GRK5: variants seen among roughly 807,000 people sequenced by gnomAD.
GRK5 encodes the protein G protein-coupled receptor kinase 5, also known as g protein-coupled receptor kinase GRK5.
A neutral mutation model predicts 78.4 loss-of-function variants in GRK5; 40 were observed. That is an observed-to-expected ratio of 0.51 (90% CI 0.40 to 0.66). The LOEUF is 0.66. Ranked by LOEUF, GRK5 falls within the 30% of genes least tolerant of loss-of-function variation. The pLI is 0.00. For synonymous variants in GRK5, 289 were observed against 296.8 expected, an observed-to-expected ratio of 0.97 and a Z score of 0.27; for missense variants, 598 against 759.9, an observed-to-expected ratio of 0.79 and a Z score of 2.50.
chr10:119,371,215 C>T (rs923027670), intron 2 of GRK5, among the ~76,000 whole-genome samples: 15 of 152,152 alleles, frequency 9.9e-5, no homozygotes, highest in African/African-American at 2.9e-4. Flanking sequence ...AGCTTCTCCC[C>T]GCTCCCCGTC....
At chr10:119,272,904 G>T (rs1323262531) in intron 1 of GRK5, among the ~76,000 whole-genome samples, 1 of 152,194 alleles carries the variant, frequency 6.6e-6, no homozygotes. Flanking sequence ...AGGGGACTCC[G>T]CAGGCTGAGG....
chr10:119,226,713 TTTTTTC>T (rs1187932350), intron 1 of GRK5, among the ~76,000 whole-genome samples: 1 of 151,762 alleles, frequency 6.6e-6, no homozygotes, highest in East Asian at 1.9e-4. Flanking sequence ...CCCGGCTTTT[TTTTTTC>T]TTTTTCTTTT....
intron 1 of GRK5, among the ~76,000 whole-genome samples, chr10:119,322,595 A>G (rs890957744): frequency 3.8e-4 from 58 of 152,330 alleles, no homozygotes; most frequent in African/African-American, 1.2e-3. Context: ...GAATAAATCT[A>G]TAAGTGTGCA....
At chr10:119,251,655 A>G (rs1307803437) in intron 1 of GRK5, among the ~76,000 whole-genome samples, 1 of 152,068 alleles carries the variant, frequency 6.6e-6, no homozygotes, top group Non-Finnish European at 1.5e-5. Context: ...AAATAAAACA[A>G]AAAACCTTCT....
At chr10:119,440,765 G>C (rs184858113) in intron 10 of GRK5, among the ~76,000 whole-genome samples, 1 of 152,206 alleles carries the variant, frequency 6.6e-6, no homozygotes, top group Admixed American at 6.5e-5. Flanking sequence ...TGACCAGGCT[G>C]GTCTCAGACT....
chr10:119,430,286 C>A lies in GRK5; in HGVS notation c.534-89C>A. ...CTGTGGGGCTCCTGGAATTATACCC[C>A]ACCCCAGCTGCTCTCAATGTGCCAC... On this transcript the variant is annotated intron_variant, in intron 6 of 15. Transcript: ENST00000392870. The surrounding 1 kb of genome is among the most constrained non-coding windows in gnomAD (Gnocchi z 4.5). 8.8e-7 allele frequency: 1 copy of A among 1,135,760 alleles called. No homozygotes were observed. The highest frequency in any genetic ancestry group is 1.3e-6 in the Non-Finnish European group (1 of 751,114). The allele number at this position is 1,135,760 out of a possible 1,614,324, so 70.4% of individuals were successfully genotyped here.
intron 1 of GRK5, among the ~76,000 whole-genome samples, chr10:119,305,202 T>G (rs1850253584): frequency 6.6e-6 from 1 of 151,970 alleles, no homozygotes; most frequent in South Asian, 2.1e-4. Context: ...AGTCCCGTGG[T>G]CCTCCAAGGC....
chr10:119,427,428 G>T (rs111210181), intron 6 of GRK5, among the ~76,000 whole-genome samples: 129 of 148,894 alleles, frequency 8.7e-4, no homozygotes, highest in African/African-American at 2.9e-3. Flanking sequence ...ACCATCAGCA[G>T]CATCACTGCC....
intron 1 of GRK5, among the ~76,000 whole-genome samples, chr10:119,212,061 A>G (rs1340246786): frequency 2.0e-5 from 3 of 152,162 alleles, no homozygotes; most frequent in Admixed American, 6.5e-5. Flanking sequence ...TGTTAATCTT[A>G]CCAAGCGACA....
rs534711645 is a variant in GRK5, at chr10:119,338,932, G to A, written c.148+12321G>A. Among the ~76,000 whole-genome samples, 26 of 152,314 alleles carry A rather than the reference G, an allele frequency of 1.7e-4. 1 individual carries two copies. In the East Asian group the frequency reaches 4.6e-3, roughly 27 times the overall value. On this transcript the variant is annotated intron_variant, in intron 2 of 15. Coordinates refer to ENST00000392870, the MANE Select transcript of GRK5 (RefSeq NM_005308.3). ...TTGCCATTACAATTAATGTTCAAATGAACATCTTTGTACTTCATTGTGACA... is the reference window on the plus strand; with the variant it reads ...TTGCCATTACAATTAATGTTCAAATAAACATCTTTGTACTTCATTGTGACA...
Position 119,271,231 on chromosome 10 carries a change from G to A in GRK5, c.53-55285G>A, listed in dbSNP as rs1002662075. On this transcript the variant is annotated intron_variant, in intron 1 of 15. Transcript: ENST00000392870. This position sits in a 1 kb window ranked among gnomAD's most constrained non-coding sequence, Gnocchi z 4.1. ...GCCACATCCTCCACGCCCTTTGGGC[G>A]CTGGTCATTCAGAGAGGCCCTCTCA... 6.6e-6 allele frequency among the ~76,000 whole-genome samples: 1 copy of A among 152,186 alleles called. No individual in the cohort carries two copies. Among genetic ancestry groups the A allele is most frequent in the African/African-American group, 2.4e-5 (1 of 41,456 alleles).
Position 119,207,839 on chromosome 10 carries a change from A to G in GRK5, c.-79A>G. On this transcript the variant is annotated 5_prime_UTR_variant, in exon 1 of 16. Transcript: ENST00000392870. ...CTCCGGCAGCAGCGGCGGCAGCCCG[A>G]GCAGCGGCAGCAGCAGCGGCAGCAC... is the stretch of plus-strand genomic sequence containing the variant. 7.2e-7 allele frequency: 1 copy of G among 1,380,960 alleles called. No homozygotes were observed. Among genetic ancestry groups the G allele is most frequent in the Non-Finnish European group, 9.9e-7 (1 of 1,012,336 alleles). 85.5% of individuals were successfully genotyped at this position (1,380,960 alleles called of 1,614,324 possible).
intron 13 of GRK5, 93 bp downstream of exon 13, chr10:119,448,353 T>A: frequency 2.2e-6 from 3 of 1,389,348 alleles, no homozygotes; most frequent in Non-Finnish European, 2.9e-6. Flanking sequence ...GTGCAGAGTG[T>A]GGGGCACATC....
chr10:119,222,361 C>T (rs1165300134), intron 1 of GRK5, among the ~76,000 whole-genome samples: 2 of 152,016 alleles, frequency 1.3e-5, no homozygotes, highest in African/African-American at 4.8e-5. Flanking sequence ...GGAAGGGACG[C>T]CCCTTCCTAA....
intron 1 of GRK5, among the ~76,000 whole-genome samples, chr10:119,245,144 T>C (rs1849086582): frequency 1.3e-5 from 2 of 152,176 alleles, no homozygotes; most frequent in South Asian, 4.1e-4. Context: ...TGGGCGTGGT[T>C]GCGTGTGCCT....
chr10:119,326,794 A>T (rs1309737051), intron 2 of GRK5, among the ~76,000 whole-genome samples, 183 bp downstream of exon 2: 5 of 152,264 alleles, frequency 3.3e-5, no homozygotes, highest in Non-Finnish European at 5.9e-5. Context: ...GCTAATCAAC[A>T]TAAACAGGCA....
chr10:119,398,123 T>G (rs1852087652), intron 4 of GRK5, among the ~76,000 whole-genome samples: 1 of 152,216 alleles, frequency 6.6e-6, no homozygotes, highest in South Asian at 2.1e-4. Flanking sequence ...GATATGGGCC[T>G]GTTGCTGTCT....
At chr10:119,228,819 C>G (rs926878666) in intron 1 of GRK5, among the ~76,000 whole-genome samples, 1 of 152,062 alleles carries the variant, frequency 6.6e-6, no homozygotes, top group Non-Finnish European at 1.5e-5. Flanking sequence ...CTTGAGAGGA[C>G]TGTACAGAAA....
chr10:119,364,736 C>T (rs1220948748), intron 2 of GRK5, among the ~76,000 whole-genome samples: 2 of 152,220 alleles, frequency 1.3e-5, no homozygotes, highest in East Asian at 3.8e-4. Context: ...TTGCCTGTCT[C>T]TGTGACTGTA....
Sources: allele counts gnomAD v4.1 joint callset (sites outside exome capture counted in the v4.1 genomes callset), GRCh38; gene constraint gnomAD v4.1.1; non-coding constraint Gnocchi (gnomAD v3.1); transcripts MANE v1.5; gene names NCBI Gene and HGNC (gene_info 2026-07-23, HGNC 2026-07-21).